Variants in AVEN observed in about 807,000 individuals in gnomAD.
The protein encoded by AVEN is apoptosis and caspase activation inhibitor.
Under a neutral mutation model 38.1 loss-of-function variants are expected in AVEN, and 41 were observed. The observed-to-expected ratio is 1.08, with a 90% CI of 0.84 to 1.40. The LOEUF is 1.40. Ranked by LOEUF, AVEN falls within the 40% of genes most tolerant of loss-of-function variation. The pLI is 0.00. For missense variants in AVEN, 605 were observed against 438.8 expected (o/e 1.38, Z -3.38); for synonymous variants, 206 against 171.8 (o/e 1.20, Z -1.56).
At chr15:34,036,581 T>A (rs1014563213) in intron 1 of AVEN, among the ~76,000 whole-genome samples, 1 of 152,124 alleles carries the variant, frequency 6.6e-6, no homozygotes, top group African/African-American at 2.4e-5. Context: ...CAAGACTAAA[T>A]ACAAACAGTA....
rs767451181 is a variant in AVEN, at chr15:33,866,765, A to T, written c.974-37T>A. ...AAAACAATGTTAACACCCTCAGATG[A>T]GTCCTAAAATTGAAGGTATAATTCA... is the stretch of plus-strand genomic sequence containing the variant. On this transcript the variant is annotated intron_variant, in intron 5 of 5. Coordinates refer to ENST00000306730, the MANE Select transcript of AVEN (RefSeq NM_020371.3). 8 of 1,457,376 alleles carry T rather than the reference A, an allele frequency of 5.5e-6. No individual in the cohort carries two copies. In the East Asian group the frequency reaches 1.8e-4, roughly 33 times the overall value. The allele number at this position is 1,457,376 out of a possible 1,614,324, so 90.3% of individuals were successfully genotyped here.
At chr15:34,074,702 C>A (rs1900697242) in exon 1 of AVEN, among the ~76,000 whole-genome samples, 1 of 152,104 alleles carries the variant, frequency 6.6e-6, no homozygotes, top group African/African-American at 2.4e-5. Context: ...TTCATCTTAC[C>A]TTTATTACCT....
intron 2 of AVEN, among the ~76,000 whole-genome samples, chr15:33,936,571 T>C (rs1262917427): frequency 6.6e-6 from 1 of 152,188 alleles, no homozygotes; most frequent in Non-Finnish European, 1.5e-5. Flanking sequence ...CCCCAGATCA[T>C]TCATAACAAT....
chr15:33,864,567 G>A (rs899459725), downstream of AVEN, among the ~76,000 whole-genome samples: 7 of 151,190 alleles, frequency 4.6e-5, no homozygotes, highest in South Asian at 1.4e-3. Context: ...CCTCATGTGT[G>A]GGTGACACAG....
At chr15:33,858,191 G>A (rs1458738753), downstream of AVEN, 8 of 372,250 alleles carry the variant, frequency 2.1e-5, no homozygotes, top group Admixed American at 8.4e-5. Context: ...TCTATTTCCG[G>A]GGTAAAGATG....
chr15:34,010,977 G>A (rs951961358), intron 1 of AVEN, among the ~76,000 whole-genome samples: 2 of 151,994 alleles, frequency 1.3e-5, no homozygotes, highest in Non-Finnish European at 2.9e-5. Flanking sequence ...TTTAACAATA[G>A]AAAAACTCAT....
At chr15:34,062,677 C>A in intron 5 of AVEN, 1 of 1,564,606 alleles carries the variant, frequency 6.4e-7, no homozygotes, top group Non-Finnish European at 8.7e-7. Context: ...AGAAAACAGC[C>A]TAGAACCTAA....
At chr15:33,984,904 G>A (rs1385589157) in intron 2 of AVEN, among the ~76,000 whole-genome samples, 6 of 151,754 alleles carry the variant, frequency 4.0e-5, no homozygotes, top group Admixed American at 3.9e-4. Flanking sequence ...CATGTCCTGT[G>A]TCATACACTA....
chr15:33,946,662 G>T (rs930673281), intron 2 of AVEN, among the ~76,000 whole-genome samples: 1 of 152,174 alleles, frequency 6.6e-6, no homozygotes, highest in Non-Finnish European at 1.5e-5. Context: ...ACAGAGCAGA[G>T]ATCTAAAAGG....
intron 2 of AVEN, among the ~76,000 whole-genome samples, chr15:33,926,843 G>A (rs1208207111): frequency 2.0e-5 from 3 of 152,104 alleles, no homozygotes; most frequent in Non-Finnish European, 4.4e-5. Context: ...TTAGTAAAGA[G>A]AGGGTTTTGC....
chr15:33,916,094 C>A (rs868100870), intron 2 of AVEN, among the ~76,000 whole-genome samples: 12 of 152,152 alleles, frequency 7.9e-5, no homozygotes, highest in African/African-American at 2.7e-4. Flanking sequence ...TACCTGCCCT[C>A]GTAGCCCAAG....
At chr15:33,891,555 T>C (rs1045099320) in intron 2 of AVEN, among the ~76,000 whole-genome samples, 1 of 152,182 alleles carries the variant, frequency 6.6e-6, no homozygotes, top group East Asian at 1.9e-4. Context: ...GCAAAGAACA[T>C]GAACTCATCC....
At chr15:34,012,834 T>C (rs1174574137) in intron 1 of AVEN, among the ~76,000 whole-genome samples, 1 of 152,202 alleles carries the variant, frequency 6.6e-6, no homozygotes, top group Non-Finnish European at 1.5e-5. Flanking sequence ...AGAAATCACA[T>C]TGCACCAGTC....
chr15:34,022,568 A>C (rs1206470196), intron 1 of AVEN, among the ~76,000 whole-genome samples: 1 of 152,224 alleles, frequency 6.6e-6, no homozygotes, highest in Admixed American at 6.5e-5. Flanking sequence ...ACAAACTTTG[A>C]GGCTGGGCCA....
intron 2 of AVEN, among the ~76,000 whole-genome samples, chr15:33,931,592 G>C (rs982141787): frequency 4.6e-5 from 7 of 152,022 alleles, no homozygotes; most frequent in East Asian, 1.9e-4. Flanking sequence ...GGATGGTCTT[G>C]ATCTCCTGAC....
chr15:33,902,646 A>G (rs1012121581), intron 2 of AVEN, among the ~76,000 whole-genome samples: 3 of 152,234 alleles, frequency 2.0e-5, no homozygotes, highest in Non-Finnish European at 4.4e-5. Context: ...ACATGATTTT[A>G]TACGTAGAAA....
chr15:33,898,075 G>C (rs558922890), intron 2 of AVEN, among the ~76,000 whole-genome samples: 1 of 152,196 alleles, frequency 6.6e-6, no homozygotes, highest in East Asian at 1.9e-4. Flanking sequence ...TGTAGTCCCA[G>C]CTACTCTGGA....
chr15:33,900,007 C>G (rs1183957189), intron 2 of AVEN, among the ~76,000 whole-genome samples: 3 of 151,536 alleles, frequency 2.0e-5, no homozygotes, highest in Non-Finnish European at 2.9e-5. Flanking sequence ...ATCTAACTTA[C>G]AGCAATTCAA....
chr15:33,864,812 G>T (rs1009408306), downstream of AVEN: 3 of 264,098 alleles, frequency 1.1e-5, no homozygotes, highest in Non-Finnish European at 1.4e-5. Context: ...GCATTCCTCC[G>T]TCTTCCACCA....
Sources: gnomAD v4.1 joint callset for allele counts (sites outside exome capture counted in the v4.1 genomes callset) on GRCh38, gnomAD v4.1.1 for gene constraint, MANE v1.5 for transcripts, NCBI Gene and HGNC (gene_info 2026-07-23, HGNC 2026-07-21) for gene names.